PCDH15: variants seen among roughly 807,000 people sequenced by gnomAD.
PCDH15 encodes the protein protocadherin-15.
A neutral mutation model predicts 178.5 loss-of-function variants in PCDH15; 129 were observed. The ratio of observed to expected loss-of-function variants is 0.72; its 90% CI spans 0.63 to 0.84. PCDH15 has a LOEUF of 0.84. PCDH15 is among the 40% of genes least tolerant of loss of function. The probability of loss-of-function intolerance (pLI) is 0.00; values close to 1 mark genes in which losing one functional copy is unlikely to be tolerated. For synonymous variants in PCDH15, 800 were observed against 732.0 expected (o/e 1.09, Z -1.50); for missense variants, 2,230 against 2,099.9 (o/e 1.06, Z -1.21).
intron 2 of PCDH15, among the ~76,000 whole-genome samples, chr10:55,589,100 A>G (rs1182117453): frequency 6.6e-6 from 1 of 150,530 alleles, no homozygotes; most frequent in Non-Finnish European, 1.5e-5. Context: ...AAAAAAAAAA[A>G]AGAAAGAAAG....
At chr10:55,521,835 C>T (rs1161577311) in intron 2 of PCDH15, among the ~76,000 whole-genome samples, 1 of 151,888 alleles carries the variant, frequency 6.6e-6, no homozygotes. Context: ...GATAGCCTAT[C>T]TTAAATGCAG....
chr10:55,219,758 C>T (rs1333906115), intron 1 of PCDH15, among the ~76,000 whole-genome samples: 1 of 151,418 alleles, frequency 6.6e-6, no homozygotes. Context: ...TTCCAGCTAA[C>T]ATAATGTAAT....
At chr10:55,162,038 T>TTAGA (rs1208158278) in intron 2 of PCDH15, among the ~76,000 whole-genome samples, 5 of 152,114 alleles carry the variant, frequency 3.3e-5, no homozygotes, top group Non-Finnish European at 7.4e-5. Flanking sequence ...TAGGTGGTAA[T>TTAGA]TATCTGAGTG....
At chr10:55,463,098 GAAA>G (rs550045259) in intron 2 of PCDH15, among the ~76,000 whole-genome samples, 2 of 96,482 alleles carry the variant, frequency 2.1e-5, no homozygotes, top group Non-Finnish European at 4.5e-5. Context: ...GGATCCAAGA[GAAA>G]AAAAAAAAAA....
intron 3 of PCDH15, among the ~76,000 whole-genome samples, chr10:54,397,086 T>A (rs1951325123): frequency 6.6e-6 from 1 of 152,118 alleles, no homozygotes; most frequent in Admixed American, 6.6e-5. Context: ...GCCCTCATCT[T>A]GACGAAACTT....
intron 2 of PCDH15, among the ~76,000 whole-genome samples, chr10:55,025,795 G>T (rs1840462051): frequency 6.6e-6 from 1 of 151,932 alleles, no homozygotes; most frequent in African/African-American, 2.4e-5. Flanking sequence ...TGATGGTTTT[G>T]ATATTTAGTA....
chr10:55,001,900 C>T (rs1018081116), intron 2 of PCDH15, among the ~76,000 whole-genome samples: 4 of 152,162 alleles, frequency 2.6e-5, no homozygotes, highest in African/African-American at 9.7e-5. Flanking sequence ...TTGTATTTAG[C>T]ATTATTAAAA....
intron 2 of PCDH15, among the ~76,000 whole-genome samples, chr10:54,947,799 A>C (rs2131870727): frequency 6.6e-6 from 1 of 152,062 alleles, no homozygotes; most frequent in Admixed American, 6.6e-5. Context: ...TATTCATATT[A>C]AGCAGTGTCA....
chr10:54,902,076 T>C (rs1250788567), intron 2 of PCDH15, among the ~76,000 whole-genome samples: 1 of 152,188 alleles, frequency 6.6e-6, no homozygotes, highest in Admixed American at 6.6e-5. Flanking sequence ...AATTCACCAG[T>C]AGTTTAATGT....
At chr10:54,234,287 T>G (rs1398066164) in intron 9 of PCDH15, among the ~76,000 whole-genome samples, 3 of 152,130 alleles carry the variant, frequency 2.0e-5, no homozygotes, top group African/African-American at 7.2e-5. Flanking sequence ...TAAAATGTAT[T>G]GAGCATTAAC....
intron 3 of PCDH15, among the ~76,000 whole-genome samples, chr10:54,422,783 A>G (rs1400034883): frequency 1.3e-5 from 2 of 152,168 alleles, no homozygotes; most frequent in Admixed American, 6.6e-5. Flanking sequence ...TTAAGTTTCT[A>G]CACTTGATTT....
At chr10:54,287,141 T>G (rs2132879513) in intron 8 of PCDH15, among the ~76,000 whole-genome samples, 1 of 152,304 alleles carries the variant, frequency 6.6e-6, no homozygotes, top group Non-Finnish European at 1.5e-5. Context: ...GTTTCAAAAT[T>G]TCATTATAAT....
chr10:54,831,592 C>T (rs747843458), intron 3 of PCDH15, among the ~76,000 whole-genome samples: 2 of 151,974 alleles, frequency 1.3e-5, no homozygotes, highest in East Asian at 3.9e-4. Context: ...AATACAATGA[C>T]TAGTTAAGAA....
chr10:54,634,837 G>A (rs984148214), intron 2 of PCDH15, among the ~76,000 whole-genome samples: 2 of 151,844 alleles, frequency 1.3e-5, no homozygotes, highest in Admixed American at 6.6e-5. Context: ...TCTTATCCAT[G>A]CTCCTAAAAT....
At chr10:55,604,004 C>T (rs2132149110) in intron 2 of PCDH15, among the ~76,000 whole-genome samples, 1 of 115,948 alleles carries the variant, frequency 8.6e-6, no homozygotes, top group South Asian at 3.0e-4. Flanking sequence ...AAACCCATCT[C>T]ACGTGCAGAG....
Position 53,992,335 on chromosome 10 carries a change from G to A in PCDH15, c.2868+3314C>T, listed in dbSNP as rs139596164. The stretch of plus-strand genomic sequence containing the variant: ...ACTGTAACACTCAGTGCGACAGTCT[G>A]CGGCTTCCTTCTTGAAGTCGGTGAG... On this transcript the variant is annotated intron_variant, in intron 21 of 37. Transcript: ENST00000644397. 1.8e-3 allele frequency among the ~76,000 whole-genome samples: 268 copies of A among 152,294 alleles called. 2 individuals carry two copies. Among genetic ancestry groups the A allele is most frequent in the African/African-American group, 6.2e-3 (258 of 41,560 alleles).
intron 2 of PCDH15, among the ~76,000 whole-genome samples, chr10:55,415,085 C>T (rs1838444302): frequency 6.6e-6 from 1 of 151,340 alleles, no homozygotes; most frequent in Non-Finnish European, 1.5e-5. Context: ...GAGGGAGTTT[C>T]CTTTTGTGCC....
At chr10:54,804,163 C>T (rs1219205135), upstream of PCDH15, among the ~76,000 whole-genome samples, 2 of 152,030 alleles carry the variant, frequency 1.3e-5, no homozygotes, top group South Asian at 2.1e-4. Context: ...CCTCAGCCTC[C>T]GGAGTAGCTG....
At chr10:53,894,387 G>A (rs928857671) in intron 26 of PCDH15, among the ~76,000 whole-genome samples, 1 of 152,140 alleles carries the variant, frequency 6.6e-6, no homozygotes, top group Non-Finnish European at 1.5e-5. Context: ...CGCATTCAGG[G>A]TGGTATGGCC....
Sources: allele counts gnomAD v4.1 joint callset (sites outside exome capture counted in the v4.1 genomes callset), GRCh38; gene constraint gnomAD v4.1.1; transcripts MANE v1.5; gene names NCBI Gene and HGNC (gene_info 2026-07-23, HGNC 2026-07-21).